The following LAMA2 variants were observed in gnomAD, a reference collection of about 807,000 sequenced individuals.
LAMA2 encodes laminin subunit alpha 2, also known as laminin subunit alpha-2.
LAMA2 carries 269 observed loss-of-function variants against 364.8 expected under a neutral mutation model. The observed-to-expected ratio is 0.74, with a 90% confidence interval of 0.67 to 0.82. LAMA2 has a LOEUF of 0.82. Among genes scored for constraint, LAMA2 ranks in the 40% least tolerant of loss-of-function variants. LAMA2 has a pLI of 0.00. For synonymous variants in LAMA2, 1,379 were observed against 1,370.6 expected (o/e 1.01, Z -0.14); for missense variants, 3,807 against 3,873.2 (o/e 0.98, Z 0.45).
At chr6:129,153,159 A>C (rs982371655) in intron 7 of LAMA2, among the ~76,000 whole-genome samples, 1 of 152,200 alleles carries the variant, frequency 6.6e-6, no homozygotes, top group African/African-American at 2.4e-5. Flanking sequence ...CACTTCTTGG[A>C]ATTCTTCTAA....
intron 54 of LAMA2, among the ~76,000 whole-genome samples, chr6:129,479,182 A>T (rs1023795842): frequency 2.0e-5 from 3 of 151,766 alleles, no homozygotes; most frequent in African/African-American, 7.3e-5. Context: ...GCAACCTTAC[A>T]TTTTTTCTGG....
intron 3 of LAMA2, among the ~76,000 whole-genome samples, chr6:129,067,876 C>T (rs62423275): frequency 0.023 from 3,483 of 152,286 alleles, 65 homozygotes; most frequent in Non-Finnish European, 0.037. Flanking sequence ...ACCTTCTCAA[C>T]AAGGGCCTCC....
intron 3 of LAMA2, among the ~76,000 whole-genome samples, chr6:129,069,326 A>G (rs1232397498): frequency 6.6e-6 from 1 of 150,714 alleles, no homozygotes; most frequent in Non-Finnish European, 1.5e-5. Context: ...GTATTTTCCA[A>G]TTTTATTCTT....
intron 8 of LAMA2, among the ~76,000 whole-genome samples, chr6:129,163,207 G>A (rs899025774): frequency 2.6e-5 from 4 of 151,876 alleles, no homozygotes; most frequent in Non-Finnish European, 5.9e-5. Context: ...GTGCTAGGGC[G>A]TTCATTGTAT....
At position 129,265,727 on chromosome 6, in the gene LAMA2, C is replaced by T. The variant is rs149699965; in HGVS notation, c.2209-1379C>T. On this transcript the variant is annotated intron_variant, in intron 15 of 64. Coordinates refer to ENST00000421865, the MANE Select transcript of LAMA2 (RefSeq NM_000426.4). ...CTGGGGCCTGTCGGAGGGTGGGGGG[C>T]TAGGGGAAGGATAGCATTAGGAGAA... Among the ~76,000 whole-genome samples, 790 of 143,228 alleles carry T rather than the reference C, an allele frequency of 5.5e-3. 6 individuals carry two copies. The highest frequency in any genetic ancestry group is 0.02 in the African/African-American group (766 of 38,356). 94.0% of individuals were successfully genotyped at this position (143,228 alleles called of 152,430 possible). A position where few individuals can be genotyped will look rare whatever the true frequency, so the allele number is the denominator to read the frequency against.
chr6:128,916,556 A>C (rs546275209), intron 1 of LAMA2, among the ~76,000 whole-genome samples: 21 of 152,330 alleles, frequency 1.4e-4, no homozygotes, highest in African/African-American at 4.8e-4. Context: ...CTGGCATTTC[A>C]AGTCTTCCTT....
chr6:129,180,592 G>A (rs796150521), intron 10 of LAMA2, among the ~76,000 whole-genome samples: 12 of 152,004 alleles, frequency 7.9e-5, no homozygotes, highest in African/African-American at 2.9e-4. Flanking sequence ...TCTGTGATGA[G>A]CCCATTTCAG....
intron 9 of LAMA2, among the ~76,000 whole-genome samples, chr6:129,174,071 G>A (rs906599637): frequency 1.4e-4 from 21 of 151,810 alleles, no homozygotes; most frequent in African/African-American, 4.8e-4. Flanking sequence ...TCAAAGTTCA[G>A]GTAAAATTCT....
At chr6:129,379,576 A>G (rs1454829319) in intron 34 of LAMA2, among the ~76,000 whole-genome samples, 1 of 152,116 alleles carries the variant, frequency 6.6e-6, no homozygotes, top group Non-Finnish European at 1.5e-5. Context: ...TATCTCCTTC[A>G]GTAAGCACTG....
At chr6:129,186,397 T>C (rs960446094) in intron 10 of LAMA2, among the ~76,000 whole-genome samples, 8 of 151,722 alleles carry the variant, frequency 5.3e-5, no homozygotes, top group African/African-American at 1.7e-4. Flanking sequence ...CTTTAGGGAC[T>C]GAATTGGATG....
chr6:129,230,156 A>G (rs1583301448), intron 12 of LAMA2, among the ~76,000 whole-genome samples: 1 of 152,160 alleles, frequency 6.6e-6, no homozygotes, highest in African/African-American at 2.4e-5. Context: ...AGGACGAACT[A>G]GAAAGGAGAC....
At chr6:129,310,203 A>G (rs1254671567) in intron 22 of LAMA2, among the ~76,000 whole-genome samples, 1 of 152,184 alleles carries the variant, frequency 6.6e-6, no homozygotes, top group Non-Finnish European at 1.5e-5. Context: ...CCGGCCGATA[A>G]TCATTTTAAT....
intron 12 of LAMA2, among the ~76,000 whole-genome samples, chr6:129,203,180 G>C (rs1262316212): frequency 2.0e-5 from 3 of 152,204 alleles, no homozygotes; most frequent in Non-Finnish European, 4.4e-5. Context: ...CAAACTTAAA[G>C]AAAGAAAACC....
At chr6:129,277,981 C>G (rs1226573721) in intron 17 of LAMA2, among the ~76,000 whole-genome samples, 2 of 152,098 alleles carry the variant, frequency 1.3e-5, no homozygotes, top group Admixed American at 6.6e-5. Flanking sequence ...GCAGGTGGAT[C>G]ACTTGAGGTC....
intron 58 of LAMA2, among the ~76,000 whole-genome samples, chr6:129,496,205 T>C (rs1785180252): frequency 6.6e-6 from 1 of 152,196 alleles, no homozygotes; most frequent in Middle Eastern, 3.2e-3. Context: ...TCACTCTTGC[T>C]ACCCAGGCTG....
At chr6:129,363,994 A>T (rs1262466903) in intron 32 of LAMA2, among the ~76,000 whole-genome samples, 1 of 152,156 alleles carries the variant, frequency 6.6e-6, no homozygotes, top group Non-Finnish European at 1.5e-5. Flanking sequence ...AGAGTAAGAG[A>T]TATAGCCCTA....
At chr6:129,300,670 T>C in intron 21 of LAMA2, 66 bp from the exon 22 acceptor site, 1 of 1,529,668 alleles carries the variant, frequency 6.5e-7, no homozygotes, top group Non-Finnish European at 9.1e-7. Flanking sequence ...AATATAAAAC[T>C]CAACACTTTG....
rs938876671 is a variant in LAMA2, at chr6:129,074,732, A to G, written c.396+14836A>G. Reference sequence around the variant, plus strand: ...AGGAATGTTCTGAATTATTGCTTCAATATTAAAACAATAATTATTGGAACA... The same window carrying G: ...AGGAATGTTCTGAATTATTGCTTCAGTATTAAAACAATAATTATTGGAACA... On this transcript the variant is annotated intron_variant, in intron 3 of 64. Transcript: ENST00000421865. Among the ~76,000 whole-genome samples the G allele has an allele frequency of 3.3e-5, 5 of 152,348 alleles. No homozygotes were observed. The East Asian group carries it at 5.8e-4, about 18-fold the overall frequency.
At chr6:128,902,261 T>C (rs1777135588) in intron 1 of LAMA2, among the ~76,000 whole-genome samples, 1 of 152,144 alleles carries the variant, frequency 6.6e-6, no homozygotes, top group South Asian at 2.1e-4. Context: ...CCAGACCATA[T>C]CACTAAGAGA....
Sources: allele counts gnomAD v4.1 joint callset (sites outside exome capture counted in the v4.1 genomes callset), GRCh38; gene constraint gnomAD v4.1.1; transcripts MANE v1.5; gene names NCBI Gene and HGNC (gene_info 2026-07-23, HGNC 2026-07-21).